The following SLC35F3 variants were observed in gnomAD, a reference collection of about 807,000 sequenced individuals.
The protein encoded by SLC35F3 is solute carrier family 35 member F3, also known as putative thiamine transporter SLC35F3.
Under a neutral mutation model 49.9 loss-of-function variants are expected in SLC35F3, and 25 were observed. The ratio of observed to expected loss-of-function variants is 0.50; its 90% CI spans 0.37 to 0.70. The LOEUF is 0.70. Among genes scored for constraint, SLC35F3 ranks in the 30% least tolerant of loss-of-function variants. The pLI is 0.00. For synonymous variants in SLC35F3, 275 were observed against 265.4 expected (o/e 1.04, Z -0.35); for missense variants, 525 against 639.8 (o/e 0.82, Z 1.94).
chr1:234,047,142 A>C (rs1180476575), intron 2 of SLC35F3, among the ~76,000 whole-genome samples: 1 of 152,238 alleles, frequency 6.6e-6, no homozygotes, highest in Non-Finnish European at 1.5e-5. Flanking sequence ...GGGAAAAGTC[A>C]ACAAATGTAT....
intron 3 of SLC35F3, among the ~76,000 whole-genome samples, chr1:234,268,407 C>A (rs1044075261): frequency 9.2e-5 from 14 of 152,100 alleles, no homozygotes; most frequent in African/African-American, 1.4e-4. Context: ...GCAGCAGTAC[C>A]GTCCAGCTTT....
intron 2 of SLC35F3, among the ~76,000 whole-genome samples, chr1:234,102,815 G>A (rs951815051): frequency 6.6e-5 from 10 of 152,120 alleles, no homozygotes; most frequent in African/African-American, 2.2e-4. Flanking sequence ...CGCTAAAGTC[G>A]GAACTTCTGA....
chr1:234,257,080 A>T (rs1262614632), intron 3 of SLC35F3, among the ~76,000 whole-genome samples: 1 of 152,234 alleles, frequency 6.6e-6, no homozygotes, highest in African/African-American at 2.4e-5. Flanking sequence ...ATTGTATGTA[A>T]ATTATACTTT....
chr1:234,112,382 C>G (rs1194080452), intron 2 of SLC35F3, among the ~76,000 whole-genome samples: 3 of 151,970 alleles, frequency 2.0e-5, no homozygotes, highest in Admixed American at 2.0e-4. Flanking sequence ...TGTGCTTAGA[C>G]ACATACTTTC....
At chr1:234,077,161 C>T (rs1481644727) in intron 2 of SLC35F3, among the ~76,000 whole-genome samples, 5 of 151,392 alleles carry the variant, frequency 3.3e-5, no homozygotes, top group African/African-American at 7.3e-5. Context: ...CCCGCCACCG[C>T]GCCCGGCTAA....
intron 2 of SLC35F3, among the ~76,000 whole-genome samples, chr1:234,003,903 A>T (rs1263400581): frequency 6.6e-6 from 1 of 152,202 alleles, no homozygotes; most frequent in African/African-American, 2.4e-5. Flanking sequence ...CTAATGAAGT[A>T]TAATTTTTCA....
At chr1:233,978,382 G>T (rs1033845424) in intron 2 of SLC35F3, among the ~76,000 whole-genome samples, 4 of 152,190 alleles carry the variant, frequency 2.6e-5, no homozygotes. Flanking sequence ...TCTTAAAGGC[G>T]TATGTAATGA....
At chr1:233,998,085 C>T (rs79241575) in intron 2 of SLC35F3, among the ~76,000 whole-genome samples, 3,067 of 152,084 alleles carry the variant, frequency 0.02, 85 homozygotes, top group African/African-American at 0.067. Flanking sequence ...TAATTAAAAA[C>T]GAAAGCATTA....
At chr1:234,009,050 C>T (rs1311718600) in intron 2 of SLC35F3, among the ~76,000 whole-genome samples, 1 of 152,140 alleles carries the variant, frequency 6.6e-6, no homozygotes, top group African/African-American at 2.4e-5. Flanking sequence ...GTTTTAACTT[C>T]AACATAGTTT....
intron 2 of SLC35F3, among the ~76,000 whole-genome samples, chr1:234,114,783 C>T (rs1172496325): frequency 6.6e-6 from 1 of 152,042 alleles, no homozygotes; most frequent in East Asian, 1.9e-4. Flanking sequence ...CACAAGATGG[C>T]GCTAAAGGAG....
intron 2 of SLC35F3, among the ~76,000 whole-genome samples, chr1:234,217,318 A>AC (rs1408487492): frequency 2.0e-5 from 3 of 152,258 alleles, no homozygotes; most frequent in Non-Finnish European, 4.4e-5. Flanking sequence ...TACTTCATCC[A>AC]ACCCTACTCT....
chr1:234,202,958 A>G (rs1666921025), intron 2 of SLC35F3, among the ~76,000 whole-genome samples: 1 of 152,154 alleles, frequency 6.6e-6, no homozygotes, highest in East Asian at 1.9e-4. Context: ...TGGGTGGAAG[A>G]GCAACCATGA....
chr1:234,122,500 G>A (rs1392559568), intron 2 of SLC35F3, among the ~76,000 whole-genome samples: 3 of 151,488 alleles, frequency 2.0e-5, no homozygotes, highest in South Asian at 2.1e-4. Context: ...TGTGTAGAAC[G>A]TGCAGGTGTG....
At chr1:234,216,804 A>G (rs1237225058) in intron 2 of SLC35F3, among the ~76,000 whole-genome samples, 1 of 152,166 alleles carries the variant, frequency 6.6e-6, no homozygotes, top group East Asian at 1.9e-4. Context: ...CTGTGAGGAG[A>G]TGCAATAAGG....
chr1:234,309,897 G>A (rs1038660122), intron 4 of SLC35F3, among the ~76,000 whole-genome samples: 9 of 152,192 alleles, frequency 5.9e-5, no homozygotes, highest in Non-Finnish European at 1.0e-4. Flanking sequence ...AATGACGAAG[G>A]GGGAGTGAAA....
At chr1:234,226,479 A>G (rs1197224529) in intron 2 of SLC35F3, among the ~76,000 whole-genome samples, 1 of 151,580 alleles carries the variant, frequency 6.6e-6, no homozygotes, top group Non-Finnish European at 1.5e-5. Flanking sequence ...CAAAAGGGCC[A>G]TTTTATGAGA....
chr1:234,057,732 G>T (rs745943773), intron 2 of SLC35F3, among the ~76,000 whole-genome samples: 26 of 152,216 alleles, frequency 1.7e-4, no homozygotes, highest in Non-Finnish European at 3.5e-4. Context: ...TTGAGACAGA[G>T]TCTCACTCTG....
At chr1:233,972,422 T>A (rs541343280) in intron 2 of SLC35F3, among the ~76,000 whole-genome samples, 1 of 152,226 alleles carries the variant, frequency 6.6e-6, no homozygotes, top group Non-Finnish European at 1.5e-5. Flanking sequence ...TAGATGGGTA[T>A]AAACAGTGAA....
At chr1:234,116,305 T>C (rs1665485128) in intron 2 of SLC35F3, among the ~76,000 whole-genome samples, 1 of 152,152 alleles carries the variant, frequency 6.6e-6, no homozygotes. Context: ...AAGATGCACC[T>C]ATGGCCCTTA....
Sources: gnomAD v4.1 joint callset for allele counts (sites outside exome capture counted in the v4.1 genomes callset) on GRCh38, gnomAD v4.1.1 for gene constraint, MANE v1.5 for transcripts, NCBI Gene and HGNC (gene_info 2026-07-23, HGNC 2026-07-21) for gene names.